The following MCF2L variants were observed in gnomAD, a reference collection of about 807,000 sequenced individuals.
The protein encoded by MCF2L is guanine nucleotide exchange factor DBS.
A neutral mutation model predicts 153.4 loss-of-function variants in MCF2L; 97 were observed. The ratio of observed to expected loss-of-function variants is 0.63; its 90% CI spans 0.54 to 0.75. MCF2L has a LOEUF of 0.75. Among genes scored for constraint, MCF2L ranks in the 30% least tolerant of loss-of-function variants. The pLI is 0.00. For missense variants in MCF2L, 1,347 were observed against 1,495.2 expected (o/e 0.90, Z 1.64); for synonymous variants, 659 against 632.2 (o/e 1.04, Z -0.64).
chr13:113,075,289 C>T (rs1223249401), intron 11 of MCF2L, 100 bp downstream of exon 11: 6 of 1,135,356 alleles, frequency 5.3e-6, no homozygotes, highest in Non-Finnish European at 7.3e-6. Context: ...GGGAGGGCAG[C>T]TCTTTGGCTG....
chr13:113,039,081 G>T (rs533130146), intron 3 of MCF2L, among the ~76,000 whole-genome samples: 1 of 152,048 alleles, frequency 6.6e-6, no homozygotes, highest in Non-Finnish European at 1.5e-5. Context: ...GGATGGTCTC[G>T]ATCTCCTGAC....
chr13:113,062,990 G>C (rs1025651511), intron 5 of MCF2L, among the ~76,000 whole-genome samples: 1 of 152,162 alleles, frequency 6.6e-6, no homozygotes, highest in Non-Finnish European at 1.5e-5. Context: ...GGGTATTTTC[G>C]GCAGGAACAG....
At chr13:113,089,246 C>T (rs553441498) in intron 25 of MCF2L, among the ~76,000 whole-genome samples, 1 of 145,810 alleles carries the variant, frequency 6.9e-6, no homozygotes, top group African/African-American at 2.5e-5. Flanking sequence ...TCATCCAGCC[C>T]GTCCGGGTTT....
intron 2 of MCF2L, among the ~76,000 whole-genome samples, chr13:112,954,907 T>A (rs2081738840): frequency 6.6e-6 from 1 of 152,212 alleles, no homozygotes; most frequent in Non-Finnish European, 1.5e-5. Context: ...CCATGGGAAC[T>A]CATGCTGTTT....
rs2082998340 is a variant in MCF2L, at chr13:112,993,902, G to T, written c.80-20861G>T. 6.7e-6 allele frequency among the ~76,000 whole-genome samples: 1 copy of T among 149,364 alleles called. No individual in the cohort carries two copies. The highest frequency in any genetic ancestry group is 2.2e-4 in the South Asian group (1 of 4,634). On this transcript the variant is annotated intron_variant, in intron 1 of 29. Coordinates refer to ENST00000535094, the MANE Select transcript of MCF2L (RefSeq NM_001112732.3). The surrounding 1 kb of genome is among the most constrained non-coding windows in gnomAD (Gnocchi z 4.6). ...TCCCTTAGATCGGAAGGCGAAGAAG[G>T]TGAGATCCACAGCTCGATTTCCCTT... is the stretch of plus-strand genomic sequence containing the variant.
Position 112,969,591 on chromosome 13 carries a change from G to C in MCF2L, c.79+133G>C. The C allele has an allele frequency of 6.9e-7, 1 of 1,450,364 alleles. No individual in the cohort carries two copies. The highest frequency in any genetic ancestry group is 9.3e-7 in the Non-Finnish European group (1 of 1,078,276). 89.8% of individuals were successfully genotyped at this position (1,450,364 alleles called of 1,614,324 possible). A position where few individuals can be genotyped will look rare whatever the true frequency, so the allele number is the denominator to read the frequency against. ...TAGCCGTGGTAGCTGTGACATGGGG[G>C]GCACTGGTTGGCAGCTGGTGTGTTT... is the stretch of plus-strand genomic sequence containing the variant. On this transcript the variant is annotated intron_variant, in intron 1 of 29. Coordinates refer to ENST00000535094, the MANE Select transcript of MCF2L (RefSeq NM_001112732.3). This position sits in a 1 kb window ranked among gnomAD's most constrained non-coding sequence, Gnocchi z 4.8.
rs56360016 is a variant in MCF2L, at chr13:113,031,866, CCACACA to C, written c.278+7127_278+7132del. Among the ~76,000 whole-genome samples, 35 of 150,454 alleles carry C rather than the reference CCACACA, an allele frequency of 2.3e-4. No individual in the cohort carries two copies. Among genetic ancestry groups the C allele is most frequent in the Admixed American group, 7.9e-4 (12 of 15,148 alleles). On this transcript the variant is annotated intron_variant, in intron 3 of 29. Coordinates refer to ENST00000535094, the MANE Select transcript of MCF2L (RefSeq NM_001112732.3). The surrounding 1 kb of genome is among the most constrained non-coding windows in gnomAD (Gnocchi z 5.5). ...ACGCACCTACACAGGCTTGCACATG[CCACACA>C]CACACACACACACACACAGATGCAC...
chr13:113,093,379 A>G (rs1024108873), intron 26 of MCF2L, among the ~76,000 whole-genome samples: 1 of 152,246 alleles, frequency 6.6e-6, no homozygotes, highest in Non-Finnish European at 1.5e-5. Context: ...GGGTGGAAGG[A>G]GCAGCCCCGT....
chr13:112,989,406 G>A (rs879148019), intron 1 of MCF2L, among the ~76,000 whole-genome samples: 5 of 123,706 alleles, frequency 4.0e-5, no homozygotes, highest in African/African-American at 1.6e-4. Context: ...TACCACGCCC[G>A]AGTCCTCCCT....
At position 113,027,189 on chromosome 13, in the gene MCF2L, A is replaced by AAG. The variant is rs1223450069; in HGVS notation, c.278+2433_278+2434dup. ...AAGGTTCTTCATTCTTCAGTCTTTA[A>AAG]AGACAACAGCGCACTGGGCCTGGTA... On this transcript the variant is annotated intron_variant, in intron 3 of 29. Transcript: ENST00000535094. This position sits in a 1 kb window ranked among gnomAD's most constrained non-coding sequence, Gnocchi z 4.8. 9.4e-6 allele frequency: 6 copies of AAG among 636,850 alleles called. No homozygotes were observed. The African/African-American group carries it at 1.1e-4, about 11-fold the overall frequency. The allele number at this position is 636,850 out of a possible 1,614,324, so 39.4% of individuals were successfully genotyped here. A position where few individuals can be genotyped will look rare whatever the true frequency, so the allele number is the denominator to read the frequency against.
intron 5 of MCF2L, among the ~76,000 whole-genome samples, chr13:113,061,733 C>T (rs1369829171): frequency 1.1e-4 from 10 of 92,640 alleles, no homozygotes; most frequent in Non-Finnish European, 1.8e-4. Context: ...TTGCCCTCCC[C>T]TCCCTCTTCC....
intron 17 of MCF2L, among the ~76,000 whole-genome samples, chr13:113,083,715 C>A (rs948801205): frequency 6.6e-6 from 1 of 152,206 alleles, no homozygotes; most frequent in Non-Finnish European, 1.5e-5. Flanking sequence ...TCTTTGCCTG[C>A]GGCCCTGTGA....
chr13:113,046,241 T>C lies in MCF2L; in HGVS notation c.369+880T>C. 4.5e-6 allele frequency: 1 copy of C among 223,704 alleles called. No homozygotes were observed. The highest frequency in any genetic ancestry group is 6.4e-5 in the South Asian group (1 of 15,734). 13.9% of individuals were successfully genotyped at this position (223,704 alleles called of 1,614,324 possible). A position where few individuals can be genotyped will look rare whatever the true frequency, so the allele number is the denominator to read the frequency against. On this transcript the variant is annotated intron_variant, in intron 4 of 29. Coordinates refer to ENST00000535094, the MANE Select transcript of MCF2L (RefSeq NM_001112732.3). This position sits in a 1 kb window ranked among gnomAD's most constrained non-coding sequence, Gnocchi z 4.4. ...TCCCCGCCTGTCCGTCCAAATTTCA[T>C]TGCTGCCAAAGGACCAAAAAAGGCT...
chr13:113,093,952 C>T (rs1362016121), intron 26 of MCF2L: 2 of 152,328 alleles, frequency 1.3e-5, no homozygotes, highest in African/African-American at 4.8e-5. Flanking sequence ...GATGGGAGCC[C>T]ATCTCCACCG....
chr13:113,092,361 G>A (rs866607886), intron 26 of MCF2L, among the ~76,000 whole-genome samples: 17 of 152,076 alleles, frequency 1.1e-4, no homozygotes, highest in Non-Finnish European at 1.5e-4. Context: ...CATTTCCACC[G>A]TGGTCAGTGT....
chr13:113,013,129 G>A (rs1012397453), intron 1 of MCF2L, among the ~76,000 whole-genome samples: 23 of 152,168 alleles, frequency 1.5e-4, no homozygotes, highest in Non-Finnish European at 3.2e-4. Flanking sequence ...ATCCAACTGC[G>A]CAGTCTAGGC....
upstream of MCF2L, among the ~76,000 whole-genome samples, chr13:112,967,284 C>T (rs911640893): frequency 6.6e-6 from 1 of 151,898 alleles, no homozygotes; most frequent in Non-Finnish European, 1.5e-5. Flanking sequence ...CATGTGTAGA[C>T]AGGAGGTAGC....
At position 113,066,028 on chromosome 13, in the gene MCF2L, G is replaced by T; in HGVS notation, c.757-18G>T. 1 of 1,611,466 alleles carries T rather than the reference G, an allele frequency of 6.2e-7. No individual in the cohort carries two copies. Among genetic ancestry groups the T allele is most frequent in the East Asian group, 2.2e-5 (1 of 44,822 alleles). ...TGCCTGGACGGGGCCGGGACATGAG[G>T]CTGCATTCTCTCCACAGGAGGATTT... On this transcript the variant is annotated intron_variant, in intron 7 of 29. Transcript: ENST00000535094.
intron 27 of MCF2L, chr13:113,095,556 G>T: frequency 9.9e-7 from 1 of 1,012,432 alleles, no homozygotes; most frequent in Non-Finnish European, 1.2e-6. Context: ...GCAGGAGCCA[G>T]TACAGGCCAT....
Sources: gnomAD v4.1 joint callset for allele counts (sites outside exome capture counted in the v4.1 genomes callset) on GRCh38, gnomAD v4.1.1 for gene constraint, Gnocchi (gnomAD v3.1) non-coding constraint, MANE v1.5 for transcripts, NCBI Gene and HGNC (gene_info 2026-07-23, HGNC 2026-07-21) for gene names.